Variants in CDK5RAP2 observed in about 807,000 individuals in gnomAD.
The protein encoded by CDK5RAP2 is CDK5 regulatory subunit-associated protein 2.
Under a neutral mutation model 232.9 loss-of-function variants are expected in CDK5RAP2, and 147 were observed. The observed-to-expected ratio is 0.63, with a 90% CI of 0.55 to 0.72. The LOEUF is 0.72. Ranked by LOEUF, CDK5RAP2 falls within the 30% of genes least tolerant of loss-of-function variation. The pLI is 0.00. For synonymous variants in CDK5RAP2, 833 were observed against 833.7 expected, an observed-to-expected ratio of 1.00 and a Z score of 0.01; for missense variants, 2,195 against 2,231.5, an observed-to-expected ratio of 0.98 and a Z score of 0.33.
At chr9:120,449,713 T>A (rs2036382824) in intron 21 of CDK5RAP2, among the ~76,000 whole-genome samples, 2 of 152,212 alleles carry the variant, frequency 1.3e-5, no homozygotes, top group Admixed American at 6.5e-5. Flanking sequence ...GCAAAAACTC[T>A]GATAGTCACT....
Position 120,409,311 on chromosome 9 carries a change from G to A in CDK5RAP2, c.4420C>T (p.Gln1474Ter). Residue 1474 changes from glutamine (Q) to a stop codon, truncating the protein, a stop_gained, in exon 30 of 38, where the codon CAG (glutamine) becomes TAG (stop). Transcript: ENST00000349780. LOFTEE classifies it high-confidence loss of function. ...TCTCGTAATTTGTCATTCTCCTTCT[G>A]TTTATCTGCAAACATAAAAAGGTGC... The part of the protein sequence containing the change: ...AMLIKGSRDK[Q>*]KENDKLRESL... The A allele has an allele frequency of 6.3e-7, 1 of 1,587,914 alleles. No individual in the cohort carries two copies. The highest frequency in any genetic ancestry group is 8.6e-7 in the Non-Finnish European group (1 of 1,166,784).
chr9:120,526,421 C>T (rs1269411034), intron 10 of CDK5RAP2, among the ~76,000 whole-genome samples: 1 of 152,150 alleles, frequency 6.6e-6, no homozygotes, highest in Non-Finnish European at 1.5e-5. Context: ...AGAAGTCTTC[C>T]TTCACTATGC....
chr9:120,437,195 A>C (rs1448342264), intron 25 of CDK5RAP2, 100 bp downstream of exon 25: 11 of 839,042 alleles, frequency 1.3e-5, no homozygotes, highest in Non-Finnish European at 1.8e-5. Flanking sequence ...AGAGGGGTGA[A>C]AGATAACTAA....
chr9:120,439,265 C>T, intron 24 of CDK5RAP2, 134 bp downstream of exon 24: 1 of 846,330 alleles, frequency 1.2e-6, no homozygotes, highest in Non-Finnish European at 2.0e-6. Flanking sequence ...GCCTGAACCC[C>T]ACCATCAAGC....
chr9:120,437,371 A>ACAGT lies in CDK5RAP2; in HGVS notation c.3875_3878dup (p.Cys1293Ter). ...GCTGTTCCTGGAAACCCTCGGCCAC[A>ACAGT]CAGTAATCCACATCACTGGCCTGCA... On this transcript the variant is annotated stop_gained and frameshift_variant, in exon 25 of 38. Coordinates refer to ENST00000349780, the MANE Select transcript of CDK5RAP2 (RefSeq NM_018249.6). LOFTEE classifies it high-confidence loss of function. The ACAGT allele has an allele frequency of 6.2e-7, 1 of 1,614,126 alleles. No homozygotes were observed. The highest frequency in any genetic ancestry group is 8.5e-7 in the Non-Finnish European group (1 of 1,180,002).
In CDK5RAP2 at chr9:120,567,206, G is replaced by A. The variant is rs374406733; in HGVS notation, c.195+1115C>T. On this transcript the variant is annotated intron_variant, in intron 3 of 37. Transcript: ENST00000349780. ...CCCCAGACCCCACAGCATAGATCGA[G>A]TTGTACAGCTGAAATTATAACAACC... is the stretch of plus-strand genomic sequence containing the variant. Among the ~76,000 whole-genome samples, 9 of 152,316 alleles carry A rather than the reference G, an allele frequency of 5.9e-5. No homozygotes were observed. The East Asian group carries it at 1.7e-3, about 29-fold the overall frequency.
At chr9:120,480,555 A>G (rs34928001) in intron 14 of CDK5RAP2, among the ~76,000 whole-genome samples, 10,060 of 152,300 alleles carry the variant, frequency 0.066, 453 homozygotes, top group South Asian at 0.16. Context: ...ATATTAATAA[A>G]GAAGCATCAT....
At chr9:120,506,139 G>C (rs182176447) in intron 12 of CDK5RAP2, among the ~76,000 whole-genome samples, 172 of 152,240 alleles carry the variant, frequency 1.1e-3, no homozygotes, top group Admixed American at 2.0e-3. Flanking sequence ...AATGCAGCTG[G>C]TAACTTTAAC....
In CDK5RAP2 at chr9:120,402,924, A is replaced by G; in HGVS notation, c.5189T>C (p.Leu1730Pro). 14 of 1,614,174 alleles carry G rather than the reference A, an allele frequency of 8.7e-6. No homozygotes were observed. The highest frequency in any genetic ancestry group is 1.7e-5 in the Admixed American group (1 of 60,024). The change falls in exon 34 of 38, where the codon CTG (leucine) becomes CCG (proline). Residue 1730 changes from leucine (L) to proline (P), a missense_variant. Physicochemically the swap from Leu to Pro is moderately conservative, Grantham distance 98 (BLOSUM62 -3). Coordinates refer to ENST00000349780, the MANE Select transcript of CDK5RAP2 (RefSeq NM_018249.6). The stretch of plus-strand genomic sequence containing the variant: ...GAGCAGGGCCTCATAGTCCTCAATC[A>G]GGCCCAGGACATGGCGGCCATTCTT... ...ASKNGRHVLG[L>P]IEDYEALLKQ...
At chr9:120,536,667 G>GA in intron 6 of CDK5RAP2, 141 bp from the exon 7 acceptor site, 1 of 834,658 alleles carries the variant, frequency 1.2e-6, no homozygotes, top group Non-Finnish European at 2.0e-6. Flanking sequence ...TACATGGAGA[G>GA]AATCAGTAAT....
chr9:120,549,016 G>A (rs1018134611), intron 4 of CDK5RAP2, among the ~76,000 whole-genome samples: 8 of 152,110 alleles, frequency 5.3e-5, no homozygotes, highest in Non-Finnish European at 1.0e-4. Flanking sequence ...AATTAGCCAG[G>A]CGTGCTGGCG....
chr9:120,497,421 T>TAAAA (rs71385064), intron 12 of CDK5RAP2, among the ~76,000 whole-genome samples: 389 of 23,164 alleles, frequency 0.017, 12 homozygotes, highest in African/African-American at 0.023. Flanking sequence ...AAAATAAATT[T>TAAAA]AAAAAAAAAA....
At chr9:120,498,495 AT>A (rs2039422176) in intron 12 of CDK5RAP2, among the ~76,000 whole-genome samples, 1 of 152,210 alleles carries the variant, frequency 6.6e-6, no homozygotes, top group Non-Finnish European at 1.5e-5. Context: ...TGGATCCTTC[AT>A]GAGATCCTGA....
chr9:120,534,320 CCTTT>C (rs908556473), intron 7 of CDK5RAP2, among the ~76,000 whole-genome samples: 22 of 152,200 alleles, frequency 1.4e-4, no homozygotes, highest in African/African-American at 5.1e-4. Context: ...CCTTTACTTT[CCTTT>C]CTCTGTCCAA....
intron 36 of CDK5RAP2, among the ~76,000 whole-genome samples, chr9:120,391,716 G>C (rs972767766): frequency 6.6e-6 from 1 of 152,234 alleles, no homozygotes; most frequent in South Asian, 2.1e-4. Flanking sequence ...AAGGTATGGT[G>C]TCAGTTTGAC....
chr9:120,468,327 G>A (rs753059558), intron 17 of CDK5RAP2, among the ~76,000 whole-genome samples: 8 of 152,168 alleles, frequency 5.3e-5, no homozygotes, highest in African/African-American at 1.2e-4. Context: ...TCCCTGGCAC[G>A]GTCTAAGTGC....
At chr9:120,401,506 G>A (rs2033002226) in intron 34 of CDK5RAP2, among the ~76,000 whole-genome samples, 1 of 151,180 alleles carries the variant, frequency 6.6e-6, no homozygotes, top group African/African-American at 2.4e-5. Flanking sequence ...TGGCTACTCA[G>A]GAAGCTGGGA....
At chr9:120,555,369 C>G (rs2042189833) in intron 3 of CDK5RAP2, among the ~76,000 whole-genome samples, 1 of 152,034 alleles carries the variant, frequency 6.6e-6, no homozygotes, top group Admixed American at 6.5e-5. Flanking sequence ...AACTCCTGAC[C>G]TCAAGTGATC....
At chr9:120,447,760 T>A (rs573606250) in intron 22 of CDK5RAP2, 135 bp downstream of exon 22, 2 of 770,056 alleles carry the variant, frequency 2.6e-6, no homozygotes, top group South Asian at 1.4e-5. Context: ...TTGTCAAGAG[T>A]CAAGATTAAT....
Sources: gnomAD v4.1 joint callset for allele counts (sites outside exome capture counted in the v4.1 genomes callset) on GRCh38, gnomAD v4.1.1 for gene constraint, MANE v1.5 for transcripts, NCBI Gene and HGNC (gene_info 2026-07-23, HGNC 2026-07-21) for gene names.